The following PLCL2 variants were observed in gnomAD, a reference collection of about 807,000 sequenced individuals.
PLCL2 encodes inactive phospholipase C-like protein 2.
In PLCL2, 4 loss-of-function variants were observed where a neutral mutation model predicts 79.6. That is an observed-to-expected ratio of 0.05 (90% CI 0.02 to 0.11). PLCL2 has a LOEUF of 0.11. Ranked by LOEUF, PLCL2 falls within the 10% of genes least tolerant of loss-of-function variation. PLCL2 has a pLI of 1.00. For synonymous variants in PLCL2, 484 were observed against 457.7 expected (o/e 1.06, Z -0.73); for missense variants, 895 against 1,291.0 (o/e 0.69, Z 4.70).
chr3:16,936,917 T>C (rs150735788), intron 1 of PLCL2, among the ~76,000 whole-genome samples: 299 of 152,270 alleles, frequency 2.0e-3, no homozygotes, highest in African/African-American at 6.8e-3. Flanking sequence ...TAGTCCAGGA[T>C]TTTTCAGCCT....
At chr3:16,907,997 C>T (rs1696789237) in intron 1 of PLCL2, among the ~76,000 whole-genome samples, 1 of 151,990 alleles carries the variant, frequency 6.6e-6, no homozygotes, top group South Asian at 2.1e-4. Context: ...GATGTTTAAG[C>T]AAATATAAGT....
chr3:16,960,592 T>C (rs896779335), intron 1 of PLCL2, among the ~76,000 whole-genome samples: 1 of 152,168 alleles, frequency 6.6e-6, no homozygotes, highest in African/African-American at 2.4e-5. Flanking sequence ...AAGTCCTTCT[T>C]GTTTGTATTG....
chr3:17,029,718 C>G (rs1309064160), intron 3 of PLCL2, among the ~76,000 whole-genome samples: 1 of 152,060 alleles, frequency 6.6e-6, no homozygotes, highest in Non-Finnish European at 1.5e-5. Flanking sequence ...TGCTACAGGC[C>G]CCCACTCTCC....
chr3:16,885,250 A>G lies in PLCL2; in HGVS notation c.211A>G (p.Ser71Gly), dbSNP rs896379866. 14 of 667,042 alleles carry G rather than the reference A, an allele frequency of 2.1e-5. No individual in the cohort carries two copies. In the African/African-American group the frequency reaches 2.4e-4, roughly 11 times the overall value. The allele number at this position is 667,042 out of a possible 1,614,324, so 41.3% of individuals were successfully genotyped here. A position where few individuals can be genotyped will look rare whatever the true frequency, so the allele number is the denominator to read the frequency against. The change falls in exon 1 of 6, where the codon AGC (serine) becomes GGC (glycine). Residue 71 changes from serine to glycine, a missense_variant. This residue lies in a region of PLCL2 where 110 missense variants were observed against 42.9 expected (regional missense o/e 2.56). Coordinates refer to ENST00000615277, the MANE Select transcript of PLCL2 (RefSeq NM_001144382.2). ...CGTGTCCGGGGACGAAGCCCGGGCT[A>G]GCCCTACCAGGGGACCCCGCGGCGT... ...LGVSGDEARA[S>G]PTRGPRGVAL...
At chr3:17,033,526 G>A (rs1367692317) in intron 3 of PLCL2, among the ~76,000 whole-genome samples, 1 of 152,180 alleles carries the variant, frequency 6.6e-6, no homozygotes, top group Non-Finnish European at 1.5e-5. Context: ...CAGTTTATAT[G>A]TTAGGTAACA....
At chr3:17,083,768 T>A (rs536852928) in intron 5 of PLCL2, among the ~76,000 whole-genome samples, 11 of 152,308 alleles carry the variant, frequency 7.2e-5, no homozygotes, top group African/African-American at 2.4e-4. Flanking sequence ...GAATGAATAA[T>A]GACACCAGGG....
In PLCL2 at chr3:16,897,743, G is replaced by A. The variant is rs182499120; in HGVS notation, c.327+12377G>A. Among the ~76,000 whole-genome samples, 163 of 152,322 alleles carry A rather than the reference G, an allele frequency of 1.1e-3. 1 individual carries two copies. Among genetic ancestry groups the A allele is most frequent in the Admixed American group, 2.5e-3 (38 of 15,310 alleles). ...TGGGTTGGCACGTCATGACCTTTGC[G>A]TGAATGTGTACTTTCTGAATGCTAG... On this transcript the variant is annotated intron_variant, in intron 1 of 5. Transcript: ENST00000615277.
At chr3:17,071,073 C>A (rs1043033808) in intron 5 of PLCL2, among the ~76,000 whole-genome samples, 3 of 152,020 alleles carry the variant, frequency 2.0e-5, no homozygotes, top group Non-Finnish European at 2.9e-5. Flanking sequence ...GAGGCACACA[C>A]AAAAAAACCT....
intron 4 of PLCL2, among the ~76,000 whole-genome samples, chr3:17,066,148 G>T (rs1044939149): frequency 6.6e-6 from 1 of 152,150 alleles, no homozygotes; most frequent in African/African-American, 2.4e-5. Flanking sequence ...GGTGGAAGGG[G>T]CTTATTCGGT....
intron 1 of PLCL2, among the ~76,000 whole-genome samples, chr3:16,964,289 C>T (rs531710121): frequency 5.4e-4 from 81 of 150,542 alleles, no homozygotes; most frequent in African/African-American, 1.8e-3. Flanking sequence ...TCTGTCCTTG[C>T]GATAGTTTCC....
chr3:16,977,378 C>T (rs1457968896), intron 1 of PLCL2, among the ~76,000 whole-genome samples: 2 of 152,116 alleles, frequency 1.3e-5, no homozygotes, highest in African/African-American at 2.4e-5. Context: ...CAGACCACAC[C>T]ACACTAGCTT....
chr3:16,914,857 G>A (rs1191475366), intron 1 of PLCL2, among the ~76,000 whole-genome samples: 1 of 152,048 alleles, frequency 6.6e-6, no homozygotes, highest in African/African-American at 2.4e-5. Flanking sequence ...AGCCTCCTGA[G>A]TTGCTGAGAC....
rs1237782524 is a variant in PLCL2, at chr3:16,933,167, CA to C, written c.327+47805del. On this transcript the variant is annotated intron_variant, in intron 1 of 5. Transcript: ENST00000615277. ...CTCAGGAAATTTGAGTGAAGGACTG[CA>C]AAAGAGGAGCAAAGCAGACCCGAGA... The C allele has an allele frequency of 1.9e-5, 3 of 154,808 alleles. 1 individual carries two copies. The highest frequency in any genetic ancestry group is 2.9e-5 in the Non-Finnish European group (2 of 68,226). 9.6% of individuals were successfully genotyped at this position (154,808 alleles called of 1,614,324 possible). A position where few individuals can be genotyped will look rare whatever the true frequency, so the allele number is the denominator to read the frequency against.
intron 5 of PLCL2, among the ~76,000 whole-genome samples, chr3:17,080,194 C>G (rs1295031376): frequency 6.6e-6 from 1 of 152,132 alleles, no homozygotes; most frequent in Non-Finnish European, 1.5e-5. Flanking sequence ...TTAAAATGAG[C>G]CTAACGTCCT....
At chr3:16,974,824 C>T (rs2063907490) in intron 1 of PLCL2, among the ~76,000 whole-genome samples, 1 of 152,190 alleles carries the variant, frequency 6.6e-6, no homozygotes, top group Admixed American at 6.5e-5. Flanking sequence ...TTTGAAAATA[C>T]AGTTATGTCT....
At position 16,970,136 on chromosome 3, in the gene PLCL2, G is replaced by A. The variant is rs147682542; in HGVS notation, c.328-39538G>A. On this transcript the variant is annotated intron_variant, in intron 1 of 5. Transcript: ENST00000615277. ...GCAGCTTAGTTACATATGTATACAT[G>A]TGCCATGCTGGTATGCTGCACCCAT... 1.2e-3 allele frequency among the ~76,000 whole-genome samples: 178 copies of A among 151,474 alleles called. 3 individuals carry two copies. The East Asian group carries it at 0.024, about 20-fold the overall frequency.
chr3:16,906,553 A>G (rs1443671931), intron 1 of PLCL2, among the ~76,000 whole-genome samples: 2 of 152,132 alleles, frequency 1.3e-5, no homozygotes, highest in African/African-American at 2.4e-5. Flanking sequence ...TACTGTATTA[A>G]TATCAGTAAT....
intron 5 of PLCL2, among the ~76,000 whole-genome samples, chr3:17,070,352 A>G (rs1333400988): frequency 6.6e-6 from 1 of 152,230 alleles, no homozygotes; most frequent in African/African-American, 2.4e-5. Context: ...GCAGTGTGCC[A>G]TATTTTAGAA....
At chr3:16,958,320 A>G (rs1321071657) in intron 1 of PLCL2, among the ~76,000 whole-genome samples, 1 of 152,248 alleles carries the variant, frequency 6.6e-6, no homozygotes, top group Admixed American at 6.5e-5. Flanking sequence ...GATTTTTAAA[A>G]CAATGTTTGT....
Sources: allele counts gnomAD v4.1 joint callset (sites outside exome capture counted in the v4.1 genomes callset), GRCh38; gene constraint gnomAD v4.1.1; regional missense constraint gnomAD v4.1.1; transcripts MANE v1.5; gene names NCBI Gene and HGNC (gene_info 2026-07-23, HGNC 2026-07-21).